Variants in PHLPP1 observed in about 807,000 individuals in gnomAD.
PHLPP1 encodes PH domain and leucine rich repeat protein phosphatase 1.
Under a neutral mutation model 117.2 loss-of-function variants are expected in PHLPP1, and 42 were observed. The ratio of observed to expected loss-of-function variants is 0.36; its 90% CI spans 0.28 to 0.46. The LOEUF is 0.46. PHLPP1 is among the 20% of genes least tolerant of loss of function. The probability of loss-of-function intolerance (pLI) is 1.00; values close to 1 mark genes in which losing one functional copy is unlikely to be tolerated. For missense variants in PHLPP1, 2,084 were observed against 2,241.9 expected (o/e 0.93, Z 1.42); for synonymous variants, 1,042 against 970.7 (o/e 1.07, Z -1.37).
chr18:62,808,592 G>A (rs12959334), intron 1 of PHLPP1, among the ~76,000 whole-genome samples: 8,417 of 145,978 alleles, frequency 0.058, 312 homozygotes, highest in Middle Eastern at 0.092. Flanking sequence ...CACTCTTGTC[G>A]CCCAGGCTGG....
At chr18:62,851,221 A>T (rs867269789) in intron 3 of PHLPP1, among the ~76,000 whole-genome samples, 1 of 152,048 alleles carries the variant, frequency 6.6e-6, no homozygotes, top group Non-Finnish European at 1.5e-5. Context: ...ACCTTGGAGG[A>T]TCTCTTGGTC....
Position 62,717,270 on chromosome 18 carries a change from C to A in PHLPP1, c.1576+11C>A. 1 of 1,555,864 alleles carries A rather than the reference C, an allele frequency of 6.4e-7. No homozygotes were observed. The highest frequency in any genetic ancestry group is 8.7e-7 in the Non-Finnish European group (1 of 1,147,886). The stretch of plus-strand genomic sequence containing the variant: ...TCCGCTTCTATGCAGGTAAGGAAGT[C>A]ACCTGCCTTGACGGGTGGTTGCAAA... On this transcript the variant is annotated intron_variant, in intron 1 of 16. Transcript: ENST00000262719.
chr18:62,736,261 C>T (rs1372656372), intron 1 of PHLPP1, among the ~76,000 whole-genome samples: 1 of 152,138 alleles, frequency 6.6e-6, no homozygotes, highest in Non-Finnish European at 1.5e-5. Context: ...TCAGGCCCCA[C>T]CTCAGACTTA....
chr18:62,758,049 C>T (rs17732599), intron 1 of PHLPP1, among the ~76,000 whole-genome samples: 9,454 of 152,266 alleles, frequency 0.062, 391 homozygotes, highest in Middle Eastern at 0.12. Context: ...GCATGCATTT[C>T]GACCCCATGA....
chr18:62,769,738 C>G (rs35529356), intron 1 of PHLPP1, among the ~76,000 whole-genome samples: 8,656 of 152,286 alleles, frequency 0.057, 339 homozygotes, highest in Middle Eastern at 0.088. Context: ...CCAAATTCTT[C>G]TTCCATGATG....
chr18:62,972,788 G>T, intron 15 of PHLPP1, 80 bp downstream of exon 15: 1 of 1,072,198 alleles, frequency 9.3e-7, no homozygotes, highest in Non-Finnish European at 1.4e-6. Context: ...AAAAGCAGGT[G>T]CCCAATGGTC....
At chr18:62,887,279 T>C (rs552486910) in intron 4 of PHLPP1, among the ~76,000 whole-genome samples, 1 of 152,296 alleles carries the variant, frequency 6.6e-6, no homozygotes, top group Non-Finnish European at 1.5e-5. Context: ...TCTCTGGGCC[T>C]GTTTTTTTTA....
In PHLPP1 at chr18:62,978,495, C is replaced by T. The variant is rs1911267494; in HGVS notation, c.4218C>T (p.Ala1406=). ...LAAAKKLCTL[A]QSYGCHDSIS... is the part of the protein sequence containing the mutation. ...CTGCCAAGAAGCTGTGTACCCTGGC[C>T]CAGAGCTACGGCTGCCACGACAGCA... The change falls in exon 17 of 17, where the codon GCC becomes GCT. Residue 1406 remains alanine (A), a synonymous_variant. Coordinates refer to ENST00000262719, the MANE Select transcript of PHLPP1 (RefSeq NM_194449.4). The surrounding 1 kb of genome is among the most constrained non-coding windows in gnomAD (Gnocchi z 7.0). The T allele has an allele frequency of 1.2e-6, 2 of 1,608,826 alleles. No homozygotes were observed. Among genetic ancestry groups the T allele is most frequent in the African/African-American group, 1.3e-5 (1 of 74,788 alleles).
chr18:62,946,862 G>C (rs1024414519), intron 12 of PHLPP1, among the ~76,000 whole-genome samples: 7 of 152,056 alleles, frequency 4.6e-5, no homozygotes, highest in Admixed American at 3.3e-4. Context: ...GACCATCCTG[G>C]CTAACACGGT....
chr18:62,716,748 C>A lies in PHLPP1; in HGVS notation c.1065C>A (p.Ser355Arg). The A allele has an allele frequency of 6.6e-7, 1 of 1,518,094 alleles. No homozygotes were observed. 94.0% of individuals were successfully genotyped at this position (1,518,094 alleles called of 1,614,324 possible). The change falls in exon 1 of 17, where the codon AGC becomes AGA. Residue 355 changes from serine (S) to arginine (R), a missense_variant. By Grantham distance (110) the Ser-to-Arg change is moderately radical. Transcript: ENST00000262719. This position sits in a 1 kb window ranked among gnomAD's most constrained non-coding sequence, Gnocchi z 5.7. ...CCGAGAGCTTCAGTCTGAGTCCCAGCGCCGAGAGCGTGTCTGACCGGTTGG... is the reference window on the plus strand; with the variant it reads ...CCGAGAGCTTCAGTCTGAGTCCCAGAGCCGAGAGCGTGTCTGACCGGTTGG... ...SDTESFSLSP[S>R]AESVSDRLDP...
chr18:62,864,136 C>T (rs1440426309), intron 4 of PHLPP1, among the ~76,000 whole-genome samples: 3 of 152,124 alleles, frequency 2.0e-5, no homozygotes, highest in Non-Finnish European at 4.4e-5. Context: ...ATTCTCCTGC[C>T]TCAGCCTCCC....
At position 62,895,161 on chromosome 18, in the gene PHLPP1, T is replaced by G; in HGVS notation, c.2213+4T>G. 6.2e-7 allele frequency: 1 copy of G among 1,613,094 alleles called. No individual in the cohort carries two copies. On this transcript the variant is annotated splice_donor_region_variant and intron_variant, in intron 5 of 16. Coordinates refer to ENST00000262719, the MANE Select transcript of PHLPP1 (RefSeq NM_194449.4). ...CAGCCGTTGGAGTGATGCACAAGTG[T>G]GTACTTCAAACCCCACTGGCGGGTA...
chr18:62,773,994 C>G (rs1912875481), intron 1 of PHLPP1, among the ~76,000 whole-genome samples: 1 of 152,104 alleles, frequency 6.6e-6, no homozygotes. Context: ...AGTGCTTTGC[C>G]CTCACAACAT....
chr18:62,749,969 T>G (rs1490548845), intron 1 of PHLPP1, among the ~76,000 whole-genome samples: 1 of 152,118 alleles, frequency 6.6e-6, no homozygotes, highest in African/African-American at 2.4e-5. Context: ...TGAGCCAAGA[T>G]GGCGCCACTG....
chr18:62,895,743 A>G (rs1266746185), intron 5 of PHLPP1, 38 bp from the exon 6 acceptor site: 2 of 1,226,388 alleles, frequency 1.6e-6, no homozygotes, highest in African/African-American at 1.5e-5. Context: ...TGTAAAATTT[A>G]TATGTTCTCT....
At position 62,731,968 on chromosome 18, in the gene PHLPP1, G is replaced by A. The variant is rs540618058; in HGVS notation, c.1576+14709G>A. Among the ~76,000 whole-genome samples the A allele has an allele frequency of 4.5e-4, 69 of 152,294 alleles. 1 individual carries two copies. The highest frequency in any genetic ancestry group is 1.6e-3 in the African/African-American group (68 of 41,560). On this transcript the variant is annotated intron_variant, in intron 1 of 16. Coordinates refer to ENST00000262719, the MANE Select transcript of PHLPP1 (RefSeq NM_194449.4). Reference sequence around the variant, plus strand: ...AAAGAGAAGTTTGAAGCTAGCAGAGGTTGGTTCATGAGATTGAAGGAAATA... The same window carrying A: ...AAAGAGAAGTTTGAAGCTAGCAGAGATTGGTTCATGAGATTGAAGGAAATA...
At chr18:62,935,399 G>T (rs565157169) in intron 10 of PHLPP1, among the ~76,000 whole-genome samples, 2 of 152,264 alleles carry the variant, frequency 1.3e-5, no homozygotes, top group South Asian at 2.1e-4. Context: ...AATATTCCTT[G>T]TTCTTAGATA....
chr18:62,852,343 A>T (rs1027719794), intron 3 of PHLPP1, among the ~76,000 whole-genome samples: 8 of 151,432 alleles, frequency 5.3e-5, no homozygotes, highest in Non-Finnish European at 1.0e-4. Flanking sequence ...ATTAATTTTT[A>T]TTTATTTATT....
At chr18:62,941,983 A>G in intron 11 of PHLPP1, 65 bp downstream of exon 11, 2 of 1,292,776 alleles carry the variant, frequency 1.5e-6, no homozygotes, top group Non-Finnish European at 2.2e-6. Context: ...TAGAAAGGTG[A>G]AGGCTGAAAT....
Sources: allele counts gnomAD v4.1 joint callset (sites outside exome capture counted in the v4.1 genomes callset), GRCh38; gene constraint gnomAD v4.1.1; non-coding constraint Gnocchi (gnomAD v3.1); transcripts MANE v1.5; gene names NCBI Gene and HGNC (gene_info 2026-07-23, HGNC 2026-07-21).